The following CERS6 variants were observed in gnomAD, a reference collection of about 807,000 sequenced individuals.
CERS6 encodes LAG1 homolog, ceramide synthase 6.
In CERS6, 26 loss-of-function variants were observed where a neutral mutation model predicts 56.8. The ratio of observed to expected loss-of-function variants is 0.46; its 90% confidence interval spans 0.34 to 0.63. The LOEUF is 0.63. Ranked by LOEUF, CERS6 falls within the 30% of genes least tolerant of loss-of-function variation. The pLI is 0.01. For synonymous variants in CERS6, 164 were observed against 173.3 expected (o/e 0.95, Z 0.42); for missense variants, 415 against 467.5 (o/e 0.89, Z 1.04).
intron 1 of CERS6, among the ~76,000 whole-genome samples, chr2:168,484,387 G>T (rs1297360589): frequency 6.6e-6 from 1 of 151,422 alleles, no homozygotes; most frequent in Admixed American, 6.6e-5. Context: ...CTCCATGTTG[G>T]TCAGGCTGGT....
chr2:168,581,812 T>C (rs1683418619), intron 3 of CERS6, among the ~76,000 whole-genome samples: 1 of 152,262 alleles, frequency 6.6e-6, no homozygotes, highest in Non-Finnish European at 1.5e-5. Context: ...CCTTGTGTGC[T>C]TAATTGTGTA....
intron 4 of CERS6, among the ~76,000 whole-genome samples, chr2:168,661,384 C>T (rs1489177979): frequency 6.6e-6 from 1 of 152,112 alleles, no homozygotes; most frequent in Non-Finnish European, 1.5e-5. Context: ...TCCCAAGTAC[C>T]AAATGTACCA....
intron 6 of CERS6, among the ~76,000 whole-genome samples, chr2:168,695,827 C>G (rs55723071): frequency 2.6e-5 from 4 of 152,268 alleles, no homozygotes; most frequent in African/African-American, 7.2e-5. Context: ...AAATGTTTCT[C>G]TTCTGCCCCA....
intron 1 of CERS6, among the ~76,000 whole-genome samples, chr2:168,496,308 A>G (rs1395604093): frequency 1.3e-5 from 2 of 151,952 alleles, no homozygotes; most frequent in African/African-American, 2.4e-5. Flanking sequence ...TTTAAAAGCT[A>G]TTTGGTTGAC....
At chr2:168,632,015 T>C (rs1574114677) in intron 4 of CERS6, among the ~76,000 whole-genome samples, 1 of 151,348 alleles carries the variant, frequency 6.6e-6, no homozygotes, top group South Asian at 2.1e-4. Context: ...TTGCTTTTAC[T>C]ATAATCCTGC....
At chr2:168,654,561 C>CA (rs1358517258) in intron 4 of CERS6, among the ~76,000 whole-genome samples, 4 of 152,100 alleles carry the variant, frequency 2.6e-5, no homozygotes, top group South Asian at 2.1e-4. Context: ...CAAAACAAAA[C>CA]AAAAAACCCA....
At chr2:168,561,063 T>C in intron 2 of CERS6, 129 bp from the exon 3 acceptor site, 1 of 922,860 alleles carries the variant, frequency 1.1e-6, no homozygotes, top group East Asian at 2.6e-5. Context: ...GAGGTAAATA[T>C]AGAAATCTCA....
At chr2:168,532,496 G>A (rs1214843351) in intron 1 of CERS6, among the ~76,000 whole-genome samples, 2 of 151,708 alleles carry the variant, frequency 1.3e-5, no homozygotes, top group African/African-American at 2.4e-5. Context: ...TATCTGTACA[G>A]GTACTAAAAA....
At chr2:168,656,766 G>C (rs1175316760) in intron 4 of CERS6, among the ~76,000 whole-genome samples, 9 of 151,650 alleles carry the variant, frequency 5.9e-5, no homozygotes, top group African/African-American at 1.5e-4. Context: ...CTGCTGGCTC[G>C]GGCAGCCTGC....
intron 4 of CERS6, among the ~76,000 whole-genome samples, chr2:168,645,184 G>GAGAGAGAGTA: frequency 9.6e-6 from 1 of 104,522 alleles, no homozygotes; most frequent in Admixed American, 1.1e-4. Flanking sequence ...GAGAGAGAGA[G>GAGAGAGAGTA]AGAGAGTAAC....
chr2:168,697,932 T>C (rs1432311114), intron 6 of CERS6, among the ~76,000 whole-genome samples: 4 of 152,204 alleles, frequency 2.6e-5, no homozygotes, highest in Non-Finnish European at 5.9e-5. Context: ...AATGTGGCTT[T>C]GCAGTGAGCC....
intron 6 of CERS6, among the ~76,000 whole-genome samples, chr2:168,705,211 A>T (rs1332261255): frequency 1.3e-5 from 2 of 152,146 alleles, no homozygotes; most frequent in African/African-American, 4.8e-5. Context: ...CTTGCTTTAT[A>T]GGGTTGTTGT....
intron 8 of CERS6, among the ~76,000 whole-genome samples, chr2:168,763,406 G>A (rs543941689): frequency 6.6e-5 from 10 of 151,414 alleles, no homozygotes; most frequent in African/African-American, 2.4e-4. Flanking sequence ...CAGCACACTC[G>A]GCTGATTTTT....
At chr2:168,521,497 A>C (rs937563028) in intron 1 of CERS6, among the ~76,000 whole-genome samples, 1 of 152,128 alleles carries the variant, frequency 6.6e-6, no homozygotes, top group Admixed American at 6.6e-5. Context: ...AGGTGGAAGA[A>C]GAGGAGGAGG....
At chr2:168,557,554 A>G (rs1695707220) in intron 2 of CERS6, among the ~76,000 whole-genome samples, 1 of 152,224 alleles carries the variant, frequency 6.6e-6, no homozygotes, top group South Asian at 2.1e-4. Context: ...TTTGATGGAA[A>G]AGATGAATGG....
chr2:168,640,941 A>G (rs889533801), intron 4 of CERS6, among the ~76,000 whole-genome samples: 2 of 152,012 alleles, frequency 1.3e-5, no homozygotes, highest in Non-Finnish European at 2.9e-5. Context: ...TTCTCTTTCC[A>G]TCTTCCTCCA....
At chr2:168,497,863 C>T (rs536208862) in intron 1 of CERS6, among the ~76,000 whole-genome samples, 4 of 152,188 alleles carry the variant, frequency 2.6e-5, no homozygotes, top group Admixed American at 1.3e-4. Flanking sequence ...GCTATAAAAT[C>T]GAGACTGGAG....
intron 3 of CERS6, among the ~76,000 whole-genome samples, chr2:168,574,632 A>C (rs1363608896): frequency 1.3e-5 from 2 of 152,206 alleles, no homozygotes; most frequent in Non-Finnish European, 2.9e-5. Flanking sequence ...GATTCGTGTA[A>C]AGCACCTACG....
At chr2:168,579,809 G>A (rs544798348) in intron 3 of CERS6, among the ~76,000 whole-genome samples, 4 of 152,040 alleles carry the variant, frequency 2.6e-5, no homozygotes, top group African/African-American at 4.8e-5. Flanking sequence ...AGCTCCTCTC[G>A]CTGCGTGTCA....
Sources: allele counts gnomAD v4.1 joint callset (sites outside exome capture counted in the v4.1 genomes callset), GRCh38; gene constraint gnomAD v4.1.1; transcripts MANE v1.5; gene names NCBI Gene and HGNC (gene_info 2026-07-23, HGNC 2026-07-21).